UGGT1: variants seen among roughly 807,000 people sequenced by gnomAD.
UGGT1 encodes UDP-glucose glycoprotein glucosyltransferase 1, also known as UDP-glucose:glycoprotein glucosyltransferase 1.
UGGT1 carries 107 observed loss-of-function variants against 203.9 expected under a neutral mutation model. That is an observed-to-expected ratio of 0.52 (90% CI 0.45 to 0.62). The LOEUF (loss-of-function observed/expected upper bound fraction) is 0.62. Among genes scored for constraint, UGGT1 ranks in the 20% least tolerant of loss-of-function variants. The pLI is 0.00. For missense variants in UGGT1, 1,673 were observed against 1,867.2 expected, an observed-to-expected ratio of 0.90 and a Z score of 1.92; for synonymous variants, 628 against 653.5, an observed-to-expected ratio of 0.96 and a Z score of 0.59.
intron 5 of UGGT1, among the ~76,000 whole-genome samples, chr2:128,110,621 C>T (rs13030720): frequency 0.031 from 4,699 of 152,270 alleles, 116 homozygotes; most frequent in Non-Finnish European, 0.045. Flanking sequence ...CAATAATGCA[C>T]ACCTTTATGA....
chr2:128,179,741 A>T (rs1240052660), intron 34 of UGGT1, 45 bp from the exon 35 acceptor site: 6 of 1,523,800 alleles, frequency 3.9e-6, no homozygotes, highest in Non-Finnish European at 5.4e-6. Context: ...TTGAGGTTAA[A>T]TAACATTGGA....
chr2:128,120,478 C>T (rs763382463), intron 9 of UGGT1, 22 bp downstream of exon 9: 1 of 1,589,856 alleles, frequency 6.3e-7, no homozygotes. Flanking sequence ...AGGGAGAGGT[C>T]ATTGGCCTAC....
chr2:128,179,147 C>A (rs1393995637), intron 34 of UGGT1, among the ~76,000 whole-genome samples: 2 of 151,470 alleles, frequency 1.3e-5, no homozygotes, highest in Non-Finnish European at 3.0e-5. Context: ...GGGCTCTGTT[C>A]ACTCTTAATT....
intron 38 of UGGT1, among the ~76,000 whole-genome samples, chr2:128,185,764 T>G (rs1176517638): frequency 6.6e-6 from 1 of 152,178 alleles, no homozygotes; most frequent in African/African-American, 2.4e-5. Flanking sequence ...TTGGCAGGGT[T>G]TTGTAGAGAA....
chr2:128,156,201 A>G (rs1365353779), intron 20 of UGGT1, among the ~76,000 whole-genome samples, 191 bp from the exon 21 acceptor site: 1 of 152,192 alleles, frequency 6.6e-6, no homozygotes, highest in African/African-American at 2.4e-5. Flanking sequence ...AGTACAAGCA[A>G]TTACTCCATT....
chr2:128,183,390 A>G (rs187481082), intron 37 of UGGT1, among the ~76,000 whole-genome samples: 3 of 152,360 alleles, frequency 2.0e-5, no homozygotes, highest in East Asian at 3.9e-4. Flanking sequence ...ATCAGTTACT[A>G]TGGCTTTTGT....
chr2:128,093,551 G>A (rs1305898933), intron 1 of UGGT1, among the ~76,000 whole-genome samples: 4 of 152,158 alleles, frequency 2.6e-5, no homozygotes, highest in African/African-American at 9.6e-5. Context: ...TTGGTTTCAG[G>A]TTAAAACTAT....
chr2:128,183,870 T>C, intron 38 of UGGT1, 81 bp downstream of exon 38: 1 of 1,047,074 alleles, frequency 9.6e-7, no homozygotes. Flanking sequence ...ACTTGTGTCT[T>C]CAGTCCTCTC....
At chr2:128,121,881 A>C (rs1688399012) in intron 10 of UGGT1, among the ~76,000 whole-genome samples, 1 of 152,242 alleles carries the variant, frequency 6.6e-6, no homozygotes, top group Non-Finnish European at 1.5e-5. Context: ...TTTCCTCAGC[A>C]GTGGAACGAG....
intron 15 of UGGT1, 36 bp from the exon 16 acceptor site, chr2:128,138,681 G>T (rs768334340): frequency 1.4e-5 from 22 of 1,602,158 alleles, no homozygotes; most frequent in Non-Finnish European, 1.8e-5. Context: ...TGCATTCTTT[G>T]ACATGTTTCT....
intron 35 of UGGT1, 109 bp downstream of exon 35, chr2:128,179,979 A>G: frequency 3.3e-6 from 3 of 904,030 alleles, no homozygotes; most frequent in Non-Finnish European, 5.0e-6. Context: ...CCATTTACTA[A>G]GATACCCTAA....
intron 4 of UGGT1, 38 bp downstream of exon 4, chr2:128,108,106 G>A (rs1185396407): frequency 3.7e-6 from 6 of 1,609,284 alleles, no homozygotes; most frequent in Non-Finnish European, 5.1e-6. Flanking sequence ...ATTTTAGAGT[G>A]TATATCATGA....
rs1338651865 is a variant in UGGT1 at position 128,157,351 on chromosome 2, G to A, written c.2355+5G>A. The A allele has an allele frequency of 6.2e-7, 1 of 1,611,868 alleles. No homozygotes were observed. Among genetic ancestry groups the A allele is most frequent in the Non-Finnish European group, 8.5e-7 (1 of 1,178,038 alleles). On this transcript the variant is annotated splice_donor_5th_base_variant and intron_variant, in intron 22 of 40. Transcript: ENST00000259253. ...TATGATGCCATCAAACATCAGGCAAGTATCTATGACTTCATTTTATATTTT... is the reference window on the plus strand; with the variant it reads ...TATGATGCCATCAAACATCAGGCAAATATCTATGACTTCATTTTATATTTT...
In UGGT1 at chr2:128,100,622, A is replaced by G. The variant is rs192841656; in HGVS notation, c.194+3058A>G. ...TTTTTAGTAGCGATGGAGTTTCTCT[A>G]TGTTGGTCAGGCTGGTCTGGAACTC... On this transcript the variant is annotated intron_variant, in intron 2 of 40. Transcript: ENST00000259253. Among the ~76,000 whole-genome samples, 496 of 121,496 alleles carry G rather than the reference A, an allele frequency of 4.1e-3. 3 individuals carry two copies. Among genetic ancestry groups the G allele is most frequent in the Non-Finnish European group, 5.6e-3 (329 of 59,190 alleles). 79.7% of individuals were successfully genotyped at this position (121,496 alleles called of 152,430 possible). A position where few individuals can be genotyped will look rare whatever the true frequency, so the allele number is the denominator to read the frequency against.
At chr2:128,134,238 A>G (rs111795638) in intron 14 of UGGT1, among the ~76,000 whole-genome samples, 9 of 152,118 alleles carry the variant, frequency 5.9e-5, no homozygotes, top group African/African-American at 2.2e-4. Flanking sequence ...GTTTCACTAC[A>G]TTGGCTGGGC....
intron 29 of UGGT1, 75 bp downstream of exon 29, chr2:128,172,837 C>T: frequency 7.3e-7 from 1 of 1,362,678 alleles, no homozygotes; most frequent in Non-Finnish European, 1.0e-6. Context: ...CTAGGTGGGC[C>T]TCTGAGACAT....
At chr2:128,133,402 A>T in intron 14 of UGGT1, 142 bp downstream of exon 14, 1 of 1,178,584 alleles carries the variant, frequency 8.5e-7, no homozygotes, top group Admixed American at 2.0e-5. Flanking sequence ...CCCTGTTCAC[A>T]CTGGAAAGGC....
Position 128,194,999 on chromosome 2 carries a change from G to C in UGGT1, c.*5257G>C, listed in dbSNP as rs1457331169. ...CAGTGACAATTTATAAAAACAAACT[G>C]CAAAGTCTGTGGCAAGTGGCTGCCT... On this transcript the variant is annotated 3_prime_UTR_variant, in exon 41 of 41. Transcript: ENST00000259253. 1.3e-5 allele frequency: 2 copies of C among 152,342 alleles called. No homozygotes were observed. The highest frequency in any genetic ancestry group is 6.8e-3 in the Middle Eastern group (2 of 294). 9.4% of individuals were successfully genotyped at this position (152,342 alleles called of 1,614,324 possible).
rs1692278797 is a variant in UGGT1 at position 128,191,837 on chromosome 2, C to A, written c.*2095C>A. On this transcript the variant is annotated 3_prime_UTR_variant, in exon 41 of 41. Coordinates refer to ENST00000259253, the MANE Select transcript of UGGT1 (RefSeq NM_020120.4). ...TGCCACTGCACTCCAGCCTGGGTGA[C>A]AGAGCGAGACTCCATCTCAGAAAAC... The A allele has an allele frequency of 6.6e-6, 1 of 152,340 alleles. No homozygotes were observed. Among genetic ancestry groups the A allele is most frequent in the African/African-American group, 2.4e-5 (1 of 41,454 alleles). 9.4% of individuals were successfully genotyped at this position (152,340 alleles called of 1,614,324 possible).
Sources: allele counts gnomAD v4.1 joint callset (sites outside exome capture counted in the v4.1 genomes callset), GRCh38; gene constraint gnomAD v4.1.1; transcripts MANE v1.5; gene names NCBI Gene and HGNC (gene_info 2026-07-23, HGNC 2026-07-21).